Variants in CRYBG3 observed in about 807,000 individuals in gnomAD.
The protein encoded by CRYBG3 is very large A-kinase anchor protein.
A neutral mutation model predicts 244.2 loss-of-function variants in CRYBG3; 127 were observed. That is an observed-to-expected ratio of 0.52 (90% CI 0.45 to 0.60). CRYBG3 has a LOEUF of 0.60. CRYBG3 is among the 20% of genes least tolerant of loss of function. CRYBG3 has a pLI of 0.00. For synonymous variants in CRYBG3, 1,132 were observed against 1,195.8 expected, an observed-to-expected ratio of 0.95 and a Z score of 1.10; for missense variants, 3,325 against 3,442.5, an observed-to-expected ratio of 0.97 and a Z score of 0.85.
intron 2 of CRYBG3, among the ~76,000 whole-genome samples, chr3:97,847,338 G>GA (rs2038918577): frequency 6.6e-6 from 1 of 151,968 alleles, no homozygotes; most frequent in Non-Finnish European, 1.5e-5. Flanking sequence ...TGTTCAAAAG[G>GA]AAAAAATCAA....
At chr3:97,887,828 A>G (rs12637414) in intron 8 of CRYBG3, among the ~76,000 whole-genome samples, 14,261 of 152,222 alleles carry the variant, frequency 0.094, 860 homozygotes, top group Non-Finnish European at 0.13. Context: ...GTCCATGAGG[A>G]ATGTCTGTAA....
chr3:97,822,325 C>G lies in CRYBG3; in HGVS notation c.119C>G (p.Pro40Arg). Residue 40 changes from proline (P) to arginine (R), a missense_variant, in exon 1 of 22, where the codon CCG (proline) becomes CGG (arginine). Transcript: ENST00000389622. Reference protein sequence around the residue: ...EEEEERPGTSPPPAPGRSAAS... With the variant: ...EEEEERPGTSRPPAPGRSAAS... ...GAGGAGGAGAGGCCGGGGACGAGCC[C>G]GCCTCCAGCTCCAGGCCGGTCCGCT... 1 of 1,512,860 alleles carries G rather than the reference C, an allele frequency of 6.6e-7. No individual in the cohort carries two copies. Among genetic ancestry groups the G allele is most frequent in the South Asian group, 1.2e-5 (1 of 81,568 alleles). The allele number at this position is 1,512,860 out of a possible 1,614,324, so 93.7% of individuals were successfully genotyped here. A position where few individuals can be genotyped will look rare whatever the true frequency, so the allele number is the denominator to read the frequency against.
intron 1 of CRYBG3, among the ~76,000 whole-genome samples, chr3:97,841,532 T>G (rs1274658875): frequency 2.0e-5 from 3 of 152,096 alleles, no homozygotes; most frequent in African/African-American, 7.2e-5. Context: ...GTTTCTTGGA[T>G]ACTGTGCGTA....
Position 97,880,021 on chromosome 3 carries a change from C to T in CRYBG3, c.6925C>T (p.Gln2309Ter), listed in dbSNP as rs1006405666. ...IYDLHESTYK[Q>*]EVYCNIPDAT... is the part of the protein sequence containing the mutation. ...TGATCTCCATGAAAGTACATATAAA[C>T]AAGAAGTCTACTGTAATATTCCTGA... The change falls in exon 6 of 22, where the codon CAA (glutamine) becomes TAA (stop). Residue 2309 changes from glutamine to a stop codon, truncating the protein, a stop_gained. Coordinates refer to ENST00000389622, the MANE Select transcript of CRYBG3 (RefSeq NM_153605.4). LOFTEE classifies it high-confidence loss of function. 7 of 1,596,458 alleles carry T rather than the reference C, an allele frequency of 4.4e-6. No homozygotes were observed. The highest frequency in any genetic ancestry group is 6.0e-6 in the Non-Finnish European group (7 of 1,167,090).
chr3:97,909,051 T>C lies in CRYBG3; in HGVS notation c.8005-3116T>C, dbSNP rs2039827674. Among the ~76,000 whole-genome samples, 3 of 152,308 alleles carry C rather than the reference T, an allele frequency of 2.0e-5. 1 individual carries two copies. In the South Asian group the frequency reaches 6.2e-4, roughly 32 times the overall value. On this transcript the variant is annotated intron_variant, in intron 15 of 21. Transcript: ENST00000389622. ...TGAAATTCTGGGTTGAAAATTCTTT[T>C]CTTTAAGAATGTTGAATATTGGCCC...
At chr3:97,856,488 G>A (rs773245054) in intron 2 of CRYBG3, among the ~76,000 whole-genome samples, 1 of 152,162 alleles carries the variant, frequency 6.6e-6, no homozygotes, top group Non-Finnish European at 1.5e-5. Flanking sequence ...AAGTGTCTAT[G>A]AAATCTTTAC....
chr3:97,843,099 G>A (rs1653975624), intron 1 of CRYBG3, 96 bp from the exon 2 acceptor site: 4 of 690,166 alleles, frequency 5.8e-6, no homozygotes, highest in Non-Finnish European at 7.2e-6. Flanking sequence ...GAGCATTGCA[G>A]ATAAAGGACC....
chr3:97,869,703 T>G (rs1478548940), intron 3 of CRYBG3, among the ~76,000 whole-genome samples: 1 of 152,172 alleles, frequency 6.6e-6, no homozygotes, highest in African/African-American at 2.4e-5. Context: ...AAAACCATTT[T>G]TGGAACACAA....
intron 1 of CRYBG3, among the ~76,000 whole-genome samples, chr3:97,827,081 C>T (rs1375518619): frequency 6.6e-6 from 1 of 152,238 alleles, no homozygotes; most frequent in Non-Finnish European, 1.5e-5. Context: ...CTTGGTTCCT[C>T]TTGCTTTCCT....
chr3:97,886,804 G>A (rs2039513547), intron 8 of CRYBG3, 37 bp downstream of exon 8: 2 of 1,477,506 alleles, frequency 1.4e-6, no homozygotes, highest in East Asian at 2.4e-5. Context: ...GTGATTGATG[G>A]CCACCAATTT....
rs745876986 is a variant in CRYBG3, at chr3:97,899,106, AT to A, written c.7845-24del. The A allele has an allele frequency of 2.5e-6, 4 of 1,599,732 alleles. No homozygotes were observed. In the South Asian group the frequency reaches 3.4e-5, roughly 14 times the overall value. ...GCTCAATTGTATATCACTTGTTTTTATTTTTTTGTTTTTTCTTTTTTCCCTA... is the reference window on the plus strand; with the variant it reads ...GCTCAATTGTATATCACTTGTTTTTATTTTTTGTTTTTTCTTTTTTCCCTA... On this transcript the variant is annotated intron_variant, in intron 13 of 21. Coordinates refer to ENST00000389622, the MANE Select transcript of CRYBG3 (RefSeq NM_153605.4).
rs1559742869 is a variant in CRYBG3 at position 97,915,618 on chromosome 3, T to A, written c.8123T>A (p.Leu2708His). 2.5e-6 allele frequency: 4 copies of A among 1,610,330 alleles called. No individual in the cohort carries two copies. Among genetic ancestry groups the A allele is most frequent in the Non-Finnish European group, 3.4e-6 (4 of 1,177,214 alleles). ...SFKVLRGCWL[L>H]YYQEDMFVNH... is the part of the protein sequence containing the mutation. Reference sequence around the variant, plus strand: ...TACTGCTTGGCTTTTAGCTGGCTCCTCTATTACCAAGAAGACATGTTTGTT... The same window carrying A: ...TACTGCTTGGCTTTTAGCTGGCTCCACTATTACCAAGAAGACATGTTTGTT... The change falls in exon 17 of 22, where the codon CTC (leucine) becomes CAC (histidine). Residue 2708 changes from leucine (L) to histidine (H), a missense_variant. Leu to His is a moderately conservative substitution (Grantham distance 99, BLOSUM62 -3). Around this residue, in one of 4 missense-constraint regions of CRYBG3, gnomAD observed 714 missense variants for 803.6 expected, o/e 0.89. Coordinates refer to ENST00000389622, the MANE Select transcript of CRYBG3 (RefSeq NM_153605.4).
At chr3:97,839,296 G>A (rs1232754048) in intron 1 of CRYBG3, among the ~76,000 whole-genome samples, 1 of 152,054 alleles carries the variant, frequency 6.6e-6, no homozygotes, top group African/African-American at 2.4e-5. Context: ...AGCCTTTTGA[G>A]TCCTTTTTAT....
chr3:97,868,328 T>C (rs1402541844), intron 3 of CRYBG3, among the ~76,000 whole-genome samples: 2 of 151,354 alleles, frequency 1.3e-5, no homozygotes, highest in Admixed American at 6.6e-5. Flanking sequence ...GACTCAACTA[T>C]ACTCCATGAA....
intron 17 of CRYBG3, among the ~76,000 whole-genome samples, chr3:97,924,607 T>C (rs1049290907): frequency 1.3e-5 from 2 of 152,088 alleles, no homozygotes; most frequent in Admixed American, 1.3e-4. Flanking sequence ...TTCCTTACCT[T>C]TTCTAGCTTC....
chr3:97,825,195 T>C (rs1303399204), intron 1 of CRYBG3, among the ~76,000 whole-genome samples: 1 of 152,234 alleles, frequency 6.6e-6, no homozygotes, highest in African/African-American at 2.4e-5. Flanking sequence ...AATGTTTGGC[T>C]CTAGATTTAA....
Position 97,875,142 on chromosome 3 carries a change from C to T in CRYBG3, c.3948C>T (p.Ala1316=). ...TAGTCAATGAGATTATTTATGTAGC[C>T]CAAGAAAAATTGAGAAATGATACTT... The part of the protein sequence containing the change: ...RELVNEIIYV[A]QEKLRNDTFE... The change falls in exon 4 of 22, where the codon GCC becomes GCT. Residue 1316 remains alanine (A), a synonymous_variant. Transcript: ENST00000389622. 6.5e-7 allele frequency: 1 copy of T among 1,534,980 alleles called. No homozygotes were observed.
intron 1 of CRYBG3, among the ~76,000 whole-genome samples, chr3:97,827,697 T>C (rs2038596493): frequency 1.3e-5 from 2 of 152,192 alleles, no homozygotes; most frequent in Non-Finnish European, 2.9e-5. Context: ...TTTAAAAATA[T>C]CAATTCACTT....
At chr3:97,862,833 A>ACAT (rs2039170702) in intron 2 of CRYBG3, among the ~76,000 whole-genome samples, 1 of 152,170 alleles carries the variant, frequency 6.6e-6, no homozygotes, top group Non-Finnish European at 1.5e-5. Flanking sequence ...AAATCCTAAC[A>ACAT]CATCAAACAA....
Sources: gnomAD v4.1 joint callset for allele counts (sites outside exome capture counted in the v4.1 genomes callset) on GRCh38, gnomAD v4.1.1 for gene constraint, gnomAD v4.1.1 regional missense constraint, MANE v1.5 for transcripts, NCBI Gene and HGNC (gene_info 2026-07-23, HGNC 2026-07-21) for gene names.